Variants in ZNF385D observed in about 807,000 individuals in gnomAD.
ZNF385D encodes the protein zinc finger protein 659.
Under a neutral mutation model 35.8 loss-of-function variants are expected in ZNF385D, and 15 were observed. The observed-to-expected ratio is 0.42, with a 90% confidence interval of 0.28 to 0.64. The LOEUF (loss-of-function observed/expected upper bound fraction) is 0.64. Ranked by LOEUF, ZNF385D falls within the 30% of genes least tolerant of loss-of-function variation. ZNF385D has a pLI of 0.23. For synonymous variants in ZNF385D, 212 were observed against 186.8 expected (o/e 1.13, Z -1.10); for missense variants, 474 against 494.6 (o/e 0.96, Z 0.39).
chr3:22,079,546 A>G (rs866282686), intron 3 of ZNF385D, among the ~76,000 whole-genome samples: 7 of 152,020 alleles, frequency 4.6e-5, no homozygotes, highest in African/African-American at 7.2e-5. Flanking sequence ...AGGACAAAAC[A>G]AAAAAGTTCC....
intron 3 of ZNF385D, among the ~76,000 whole-genome samples, chr3:21,801,603 A>T (rs190096813): frequency 2.0e-5 from 3 of 152,250 alleles, no homozygotes; most frequent in Middle Eastern, 3.4e-3. Flanking sequence ...TCACATTCTT[A>T]ATCTACTGTA....
chr3:22,325,409 T>A (rs966493887), intron 2 of ZNF385D, among the ~76,000 whole-genome samples: 1 of 152,290 alleles, frequency 6.6e-6, no homozygotes, highest in South Asian at 2.1e-4. Flanking sequence ...ATTTTCTAAA[T>A]AGACAAATTC....
chr3:21,963,682 T>C lies in ZNF385D; in HGVS notation c.325+205135A>G, dbSNP rs979110248. ...AATGAATATACAAGACATCTCTTTA[T>C]ATTACAGACCTCTTTATATTAGATT... On this transcript the variant is annotated intron_variant, in intron 3 of 5. Coordinates refer to the ZNF385D transcript ENST00000494108. 8.5e-5 allele frequency among the ~76,000 whole-genome samples: 13 copies of C among 152,228 alleles called. 1 individual carries two copies. The highest frequency in any genetic ancestry group is 8.5e-4 in the Admixed American group (13 of 15,274).
chr3:21,764,902 TCTC>T (rs2070762118), intron 3 of ZNF385D, among the ~76,000 whole-genome samples: 1 of 152,136 alleles, frequency 6.6e-6, no homozygotes, highest in East Asian at 1.9e-4. Flanking sequence ...TGTCCACTTC[TCTC>T]CTGCCTACAA....
chr3:21,461,180 C>T (rs1703148994), intron 4 of ZNF385D, among the ~76,000 whole-genome samples: 1 of 152,180 alleles, frequency 6.6e-6, no homozygotes, highest in African/African-American at 2.4e-5. Context: ...TGCCTTTCAT[C>T]TTCAAAATCA....
At chr3:21,484,632 A>AG (rs1311550868) in intron 4 of ZNF385D, among the ~76,000 whole-genome samples, 1 of 152,082 alleles carries the variant, frequency 6.6e-6, no homozygotes, top group African/African-American at 2.4e-5. Flanking sequence ...TGCCCTTTGG[A>AG]GGGGGGACTG....
Position 21,583,946 on chromosome 3 carries a change from TTTTACTTATTTACTTA to T in ZNF385D, c.166-19278_166-19263del, listed in dbSNP as rs1176743949. ...TCAGCTATACTTACACATGTATTTA[TTTTACTTATTTACTTA>T]TTTATTTATTTATTTATTTATTTAT... On this transcript the variant is annotated intron_variant, in intron 2 of 7. Coordinates refer to ENST00000281523, the MANE Select transcript of ZNF385D (RefSeq NM_024697.3). 3.6e-5 allele frequency among the ~76,000 whole-genome samples: 5 copies of T among 137,180 alleles called. No homozygotes were observed. In the South Asian group the frequency reaches 6.7e-4, roughly 18 times the overall value. 90.0% of individuals were successfully genotyped at this position (137,180 alleles called of 152,430 possible).
Position 22,153,316 on chromosome 3 carries a change from C to G in ZNF385D, c.325+15501G>C, listed in dbSNP as rs373652149. Among the ~76,000 whole-genome samples, 22 of 152,164 alleles carry G rather than the reference C, an allele frequency of 1.4e-4. No homozygotes were observed. In the East Asian group the frequency reaches 3.1e-3, roughly 21 times the overall value. On this transcript the variant is annotated intron_variant, in intron 3 of 5. Coordinates refer to the ZNF385D transcript ENST00000494108. ...CACCTGCTGGGCTGAGTGGTCTCACCAGTGGCCATTGTCCACAGAGCCAGA... is the reference window on the plus strand; with the variant it reads ...CACCTGCTGGGCTGAGTGGTCTCACGAGTGGCCATTGTCCACAGAGCCAGA...
At chr3:21,758,401 G>C (rs944695796) in intron 3 of ZNF385D, among the ~76,000 whole-genome samples, 1 of 152,170 alleles carries the variant, frequency 6.6e-6, no homozygotes, top group Admixed American at 6.5e-5. Context: ...GTTGTGGAAG[G>C]AGACAATGGT....
rs550533519 is a variant in ZNF385D, at chr3:21,857,124, A to G, written c.326-192096T>C. Among the ~76,000 whole-genome samples, 7 of 152,096 alleles carry G rather than the reference A, an allele frequency of 4.6e-5. No homozygotes were observed. The South Asian group carries it at 1.5e-3, about 32-fold the overall frequency. ...TAGTAACCTGATCTCAGCCCTCACC[A>G]ACTCTCCCGATCCTCTTGGTCTTTT... On this transcript the variant is annotated intron_variant, in intron 3 of 5. Transcript: ENST00000494108.
At chr3:22,285,610 C>A (rs904808317) in intron 2 of ZNF385D, among the ~76,000 whole-genome samples, 23 of 152,056 alleles carry the variant, frequency 1.5e-4, no homozygotes, top group African/African-American at 5.6e-4. Flanking sequence ...TATACATGTG[C>A]CATGTTGGTG....
intron 2 of ZNF385D, among the ~76,000 whole-genome samples, chr3:22,274,443 G>C (rs1701325853): frequency 6.6e-6 from 1 of 151,832 alleles, no homozygotes; most frequent in South Asian, 2.1e-4. Context: ...AAGTTTAATA[G>C]AAACTACTTA....
At position 21,688,864 on chromosome 3, in the gene ZNF385D, T is replaced by C. The variant is rs576714115; in HGVS notation, c.23-23836A>G. ...AGCACAACAGGATATCTGAAAATAG[T>C]ATGTGCATGCTATGAAATTATTATA... On this transcript the variant is annotated intron_variant, in intron 1 of 7. Coordinates refer to ENST00000281523, the MANE Select transcript of ZNF385D (RefSeq NM_024697.3). Among the ~76,000 whole-genome samples, 10 of 152,292 alleles carry C rather than the reference T, an allele frequency of 6.6e-5. No individual in the cohort carries two copies. The South Asian group carries it at 1.9e-3, about 28-fold the overall frequency.
intron 2 of ZNF385D, among the ~76,000 whole-genome samples, chr3:22,241,638 A>T (rs1255281320): frequency 2.0e-5 from 3 of 151,116 alleles, no homozygotes; most frequent in Non-Finnish European, 4.4e-5. Context: ...CTCAGGGTAG[A>T]ATTTTCTTGA....
intron 3 of ZNF385D, among the ~76,000 whole-genome samples, chr3:22,130,537 C>T (rs1703719285): frequency 6.6e-6 from 1 of 152,108 alleles, no homozygotes. Flanking sequence ...CCAAGCTGGC[C>T]AAATCTGCTC....
chr3:22,215,818 T>A (rs1321958472), intron 2 of ZNF385D, among the ~76,000 whole-genome samples: 1 of 151,994 alleles, frequency 6.6e-6, no homozygotes, highest in Non-Finnish European at 1.5e-5. Flanking sequence ...TCAAGGGGCA[T>A]CACGGAACCT....
intron 4 of ZNF385D, among the ~76,000 whole-genome samples, chr3:21,463,032 C>CA (rs1439733188): frequency 1.4e-4 from 21 of 150,892 alleles, no homozygotes; most frequent in Admixed American, 5.9e-4. Context: ...GAGGCAATAC[C>CA]AAAAAAAATA....
intron 2 of ZNF385D, among the ~76,000 whole-genome samples, chr3:22,174,334 C>T (rs73145031): frequency 0.021 from 3,231 of 152,174 alleles, 122 homozygotes; most frequent in African/African-American, 0.074. Context: ...TGGCAAACCT[C>T]TAAAATCTCC....
chr3:22,218,059 A>G (rs559106361), intron 2 of ZNF385D, among the ~76,000 whole-genome samples: 1 of 152,256 alleles, frequency 6.6e-6, no homozygotes, highest in East Asian at 1.9e-4. Context: ...CCTTATAGTT[A>G]AGAGTGTCTT....
Sources: allele counts gnomAD v4.1 joint callset (sites outside exome capture counted in the v4.1 genomes callset), GRCh38; gene constraint gnomAD v4.1.1; transcripts MANE v1.5; gene names NCBI Gene and HGNC (gene_info 2026-07-23, HGNC 2026-07-21).